Variants in PRKAB1 observed in about 807,000 individuals in gnomAD.
The protein encoded by PRKAB1 is protein kinase AMP-activated non-catalytic subunit beta 1, also known as 5'-AMP-activated protein kinase subunit beta-1.
A neutral mutation model predicts 32.0 loss-of-function variants in PRKAB1; 18 were observed. The observed-to-expected ratio is 0.56, with a 90% CI of 0.39 to 0.83. The LOEUF (loss-of-function observed/expected upper bound fraction) is 0.83. PRKAB1 is among the 40% of genes least tolerant of loss of function. The pLI is 0.00. For synonymous variants in PRKAB1, 141 were observed against 141.4 expected (o/e 1.00, Z 0.02); for missense variants, 263 against 352.6 (o/e 0.75, Z 2.03).
intron 4 of PRKAB1, among the ~76,000 whole-genome samples, chr12:119,675,529 TA>T (rs1955417972): frequency 6.6e-6 from 1 of 152,254 alleles, no homozygotes; most frequent in African/African-American, 2.4e-5. Context: ...CTGATACATG[TA>T]ATTTTAAGCC....
At chr12:119,669,265 A>G (rs1223496093) in intron 1 of PRKAB1, among the ~76,000 whole-genome samples, 2 of 128,796 alleles carry the variant, frequency 1.6e-5, no homozygotes, top group African/African-American at 3.0e-5. Context: ...TGGCCGGTTC[A>G]GCCTACTTTT....
Position 119,674,441 on chromosome 12 carries a change from C to T in PRKAB1, c.519C>T (p.Cys173=), listed in dbSNP as rs2136855169. ...CTTTAATGGTGGATTCCCAAAAGTG[C>T]TCCGATGTGTCTGGTATGAACACAG... The part of the protein sequence containing the change: ...FDALMVDSQK[C]SDVSELSSSP... The change falls in exon 4 of 7, where the codon TGC becomes TGT. Residue 173 remains cysteine (C), a synonymous_variant. Transcript: ENST00000229328. This position sits in a 1 kb window ranked among gnomAD's most constrained non-coding sequence, Gnocchi z 4.3. 6.2e-7 allele frequency: 1 copy of T among 1,611,716 alleles called. No homozygotes were observed. Among genetic ancestry groups the T allele is most frequent in the South Asian group, 1.1e-5 (1 of 91,042 alleles).
chr12:119,678,894 T>G (rs904875218), intron 5 of PRKAB1: 10 of 152,218 alleles, frequency 6.6e-5, no homozygotes, highest in Non-Finnish European at 1.3e-4. Context: ...CTAGACCATG[T>G]GGTAATTTTA....
At position 119,679,883 on chromosome 12, in the gene PRKAB1, T is replaced by G. The variant is rs1222217839; in HGVS notation, c.667-50T>G. The G allele has an allele frequency of 1.3e-6, 2 of 1,574,782 alleles. No individual in the cohort carries two copies. Among genetic ancestry groups the G allele is most frequent in the African/African-American group, 2.7e-5 (2 of 74,028 alleles). On this transcript the variant is annotated intron_variant, in intron 5 of 6. Coordinates refer to ENST00000229328, the MANE Select transcript of PRKAB1 (RefSeq NM_006253.5). The surrounding 1 kb of genome is among the most constrained non-coding windows in gnomAD (Gnocchi z 4.1). ...TGGCACTGGGAAGTAAAGGGGAGAA[T>G]CTTGGTTTCCAAATCCCAAATGCTC...
intron 1 of PRKAB1, chr12:119,669,971 T>A (rs550221342): frequency 2.6e-5 from 4 of 152,258 alleles, no homozygotes; most frequent in Non-Finnish European, 5.9e-5. Context: ...AGCCAGCAGC[T>A]ACTGAACTTC....
chr12:119,676,581 G>A lies in PRKAB1; in HGVS notation c.577G>A (p.Val193Ile), dbSNP rs746242433. Reference sequence around the variant, plus strand: ...AGGACCCTACCATCAGGAGCCCTACGTCTGCAAACCCGAAGAGCGCTTTCG... The same window carrying A: ...AGGACCCTACCATCAGGAGCCCTACATCTGCAAACCCGAAGAGCGCTTTCG... ...PPGPYHQEPY[V>I]CKPEERFRAP... is the part of the protein sequence containing the mutation. The change falls in exon 5 of 7, where the codon GTC becomes ATC. Residue 193 changes from valine (V) to isoleucine (I), a missense_variant. Transcript: ENST00000229328. 208 of 1,613,534 alleles carry A rather than the reference G, an allele frequency of 1.3e-4. 1 individual carries two copies. The highest frequency in any genetic ancestry group is 2.0e-4 in the East Asian group (9 of 44,876).
Position 119,668,193 on chromosome 12 carries a change from T to G in PRKAB1, c.-52T>G. 6.6e-7 allele frequency: 1 copy of G among 1,505,748 alleles called. No homozygotes were observed. The allele number at this position is 1,505,748 out of a possible 1,614,324, so 93.3% of individuals were successfully genotyped here. A position where few individuals can be genotyped will look rare whatever the true frequency, so the allele number is the denominator to read the frequency against. ...CGGGAGTCCCTTGCTCAGGGTCCCT[T>G]TCCTGCAGTGAGGCGCCGTCCGCCT... On this transcript the variant is annotated 5_prime_UTR_variant, in exon 1 of 7. Transcript: ENST00000229328.
intron 4 of PRKAB1, among the ~76,000 whole-genome samples, chr12:119,675,325 A>G (rs1057035645): frequency 6.6e-6 from 1 of 152,226 alleles, no homozygotes; most frequent in African/African-American, 2.4e-5. Flanking sequence ...ACCAGTTCAG[A>G]AATCACAGTG....
chr12:119,678,685 G>A (rs1955444309), intron 5 of PRKAB1: 2 of 152,236 alleles, frequency 1.3e-5, no homozygotes. Context: ...TGTCACAGAT[G>A]ACAAGATTCC....
rs1247295108 is a variant in PRKAB1, at chr12:119,671,848, C to T, written c.160-453C>T. Among the ~76,000 whole-genome samples the T allele has an allele frequency of 2.6e-5, 4 of 152,194 alleles. No individual in the cohort carries two copies. In the South Asian group the frequency reaches 8.3e-4, roughly 32 times the overall value. ...ATGTATCTAAACATAGAAAAGATAA[C>T]AATAAAAATATGGTATAATCTTATG... On this transcript the variant is annotated intron_variant, in intron 1 of 6. Transcript: ENST00000229328.
intron 1 of PRKAB1, 175 bp from the exon 2 acceptor site, chr12:119,672,126 A>G (rs1955392490): frequency 1.7e-6 from 1 of 602,708 alleles, no homozygotes; most frequent in Non-Finnish European, 2.8e-6. Context: ...AGTCTTCACA[A>G]CCTTAAAAAA....
intron 2 of PRKAB1, among the ~76,000 whole-genome samples, chr12:119,672,821 C>A (rs572161748): frequency 9.8e-5 from 15 of 152,344 alleles, no homozygotes; most frequent in African/African-American, 3.6e-4. Context: ...TGCTGTCAGT[C>A]ACCTAACGTT....
At chr12:119,672,983 C>G (rs1406688109) in intron 2 of PRKAB1, among the ~76,000 whole-genome samples, 4 of 152,200 alleles carry the variant, frequency 2.6e-5, no homozygotes, top group Admixed American at 2.0e-4. Context: ...GATCTCAGCA[C>G]TTTTGGGGGC....
At chr12:119,672,783 A>C (rs1955397323) in intron 2 of PRKAB1, among the ~76,000 whole-genome samples, 1 of 152,218 alleles carries the variant, frequency 6.6e-6, no homozygotes, top group Non-Finnish European at 1.5e-5. Context: ...GGAATCTTAG[A>C]AACCCACATT....
chr12:119,680,280 G>T lies in PRKAB1; in HGVS notation c.768G>T (p.Arg256=), dbSNP rs769779223. The change falls in exon 7 of 7, where the codon CGG becomes CGT. Residue 256 remains arginine (R), a synonymous_variant. Coordinates refer to ENST00000229328, the MANE Select transcript of PRKAB1 (RefSeq NM_006253.5). ...DGVMVLSATH[R]YKKKYVTTLL... ...TGATGGTGCTCAGCGCAACCCACCG[G>T]TACAAGAAGAAGTACGTCACCACCT... The T allele has an allele frequency of 6.2e-7, 1 of 1,613,972 alleles. No homozygotes were observed. The highest frequency in any genetic ancestry group is 1.3e-5 in the African/African-American group (1 of 74,910).
chr12:119,674,170 T>C lies in PRKAB1; in HGVS notation c.417+113T>C, dbSNP rs1383508421. On this transcript the variant is annotated intron_variant, in intron 3 of 6. Transcript: ENST00000229328. The surrounding 1 kb of genome is among the most constrained non-coding windows in gnomAD (Gnocchi z 4.3). The stretch of plus-strand genomic sequence containing the variant: ...CCCAGCTAGTAAAAGTCCCCGTGTG[T>C]GGCAGAGCTGAGTAGCAGCACTACC... 15 of 1,102,380 alleles carry C rather than the reference T, an allele frequency of 1.4e-5. No homozygotes were observed. In the South Asian group the frequency reaches 2.1e-4, roughly 16 times the overall value. The allele number at this position is 1,102,380 out of a possible 1,614,324, so 68.3% of individuals were successfully genotyped here.
rs983781579 is a variant in PRKAB1 at position 119,674,916 on chromosome 12, T to C, written c.532+462T>C. Among the ~76,000 whole-genome samples, 2 of 152,196 alleles carry C rather than the reference T, an allele frequency of 1.3e-5. No homozygotes were observed. Among genetic ancestry groups the C allele is most frequent in the African/African-American group, 2.4e-5 (1 of 41,448 alleles). On this transcript the variant is annotated intron_variant, in intron 4 of 6. Transcript: ENST00000229328. This position sits in a 1 kb window ranked among gnomAD's most constrained non-coding sequence, Gnocchi z 4.3. ...ACATTAGCACCTTGTCAGAATCCCT[T>C]TGGGGAGGATGCGGCTCCCCACGGG... is the stretch of plus-strand genomic sequence containing the variant.
intron 1 of PRKAB1, chr12:119,669,570 A>C (rs1593329107): frequency 7.7e-6 from 1 of 130,012 alleles, no homozygotes. Context: ...AACCCACCCT[A>C]CTTATTTTTT....
chr12:119,672,218 C>T (rs992325211), intron 1 of PRKAB1, 83 bp from the exon 2 acceptor site: 3 of 1,352,296 alleles, frequency 2.2e-6, no homozygotes, highest in Non-Finnish European at 3.0e-6. Context: ...ATAGTAACAG[C>T]TGCGTCTTTA....
Sources: gnomAD v4.1 joint callset for allele counts (sites outside exome capture counted in the v4.1 genomes callset) on GRCh38, gnomAD v4.1.1 for gene constraint, Gnocchi (gnomAD v3.1) non-coding constraint, MANE v1.5 for transcripts, NCBI Gene and HGNC (gene_info 2026-07-23, HGNC 2026-07-21) for gene names.